Variants in MAGI2 observed in about 807,000 individuals in gnomAD.
MAGI2 encodes membrane associated guanylate kinase, WW and PDZ domain containing 2.
Under a neutral mutation model 133.3 loss-of-function variants are expected in MAGI2, and 35 were observed. The ratio of observed to expected loss-of-function variants is 0.26; its 90% CI spans 0.20 to 0.35. The LOEUF (loss-of-function observed/expected upper bound fraction) is 0.35. Among genes scored for constraint, MAGI2 ranks in the 10% least tolerant of loss-of-function variants. The pLI is 1.00. For synonymous variants in MAGI2, 729 were observed against 710.6 expected, an observed-to-expected ratio of 1.03 and a Z score of -0.41; for missense variants, 1,636 against 1,863.4, an observed-to-expected ratio of 0.88 and a Z score of 2.25.
At chr7:79,011,255 T>C (rs969398578) in intron 1 of MAGI2, among the ~76,000 whole-genome samples, 13 of 152,104 alleles carry the variant, frequency 8.5e-5, no homozygotes, top group African/African-American at 2.7e-4. Context: ...TCAGTAGAAA[T>C]TGACTGCTTT....
intron 1 of MAGI2, among the ~76,000 whole-genome samples, chr7:79,112,699 A>AT (rs57576485): frequency 1.0e-3 from 159 of 152,060 alleles, no homozygotes; most frequent in African/African-American, 3.4e-3. Flanking sequence ...CTTAAATGCC[A>AT]TTTTTTTTGT....
At chr7:79,366,156 C>T (rs993571943) in intron 1 of MAGI2, among the ~76,000 whole-genome samples, 9 of 151,626 alleles carry the variant, frequency 5.9e-5, no homozygotes, top group Admixed American at 2.0e-4. Flanking sequence ...GTGGGAGGAT[C>T]GCTTGAGCCC....
intron 2 of MAGI2, among the ~76,000 whole-genome samples, chr7:78,913,027 G>GTT (rs946086225): frequency 1.4e-4 from 22 of 151,936 alleles, no homozygotes; most frequent in Non-Finnish European, 2.4e-4. Flanking sequence ...GGGAACAGCT[G>GTT]TTTTGGAGCA....
intron 3 of MAGI2, among the ~76,000 whole-genome samples, chr7:78,581,134 A>C (rs1209660653): frequency 6.6e-6 from 1 of 152,174 alleles, no homozygotes; most frequent in Non-Finnish European, 1.5e-5. Context: ...TTAGCTTACA[A>C]CACTTGGTGA....
At chr7:78,833,573 T>C (rs1791376145) in intron 2 of MAGI2, among the ~76,000 whole-genome samples, 1 of 152,214 alleles carries the variant, frequency 6.6e-6, no homozygotes, top group Admixed American at 6.5e-5. Context: ...TTTAGTCTCC[T>C]AGCTCCCTGC....
intron 6 of MAGI2, among the ~76,000 whole-genome samples, chr7:78,384,159 C>T (rs1252055563): frequency 6.6e-6 from 1 of 151,930 alleles, no homozygotes; most frequent in African/African-American, 2.4e-5. Context: ...ATAGGGATTG[C>T]CCTGAATCTG....
chr7:78,518,503 C>G (rs1229643445), intron 4 of MAGI2: 2 of 151,990 alleles, frequency 1.3e-5, no homozygotes, highest in East Asian at 3.9e-4. Flanking sequence ...TTAGGCCACT[C>G]CTAAAGCATG....
At chr7:78,627,012 T>G in intron 3 of MAGI2, 108 bp downstream of exon 3, 1 of 1,164,226 alleles carries the variant, frequency 8.6e-7, no homozygotes, top group Non-Finnish European at 1.1e-6. Context: ...TTATTAAAGC[T>G]CTCAAACCCA....
intron 1 of MAGI2, chr7:79,414,418 G>T (rs928656223): frequency 3.9e-5 from 6 of 152,048 alleles, no homozygotes; most frequent in African/African-American, 1.4e-4. Context: ...ACAGTAACTG[G>T]TGAATTCCAT....
At chr7:78,125,634 A>T in intron 20 of MAGI2, 60 bp downstream of exon 20, 1 of 1,578,466 alleles carries the variant, frequency 6.3e-7, no homozygotes, top group Non-Finnish European at 8.7e-7. Flanking sequence ...TACTCTTCCA[A>T]TACCACAGTC....
chr7:79,412,795 GA>G (rs1230456733), intron 1 of MAGI2: 5 of 152,166 alleles, frequency 3.3e-5, no homozygotes, highest in Admixed American at 6.6e-5. Flanking sequence ...CAGTGTTTCA[GA>G]ATCTGAAATG....
intron 1 of MAGI2, among the ~76,000 whole-genome samples, chr7:79,017,239 T>C (rs1584691265): frequency 6.6e-6 from 1 of 152,268 alleles, no homozygotes. Context: ...GTGAGTTAGG[T>C]TCCTAACCTC....
intron 5 of MAGI2, among the ~76,000 whole-genome samples, chr7:78,494,917 A>G (rs1398162104): frequency 1.3e-5 from 2 of 152,202 alleles, no homozygotes; most frequent in African/African-American, 2.4e-5. Context: ...ATACTATGCC[A>G]TAAGAATAAC....
At chr7:78,787,385 T>C (rs1337093478) in intron 2 of MAGI2, among the ~76,000 whole-genome samples, 1 of 152,154 alleles carries the variant, frequency 6.6e-6, no homozygotes, top group Non-Finnish European at 1.5e-5. Context: ...AAAGATCTGC[T>C]TTGGGAGTAT....
chr7:78,019,251 G>T lies in MAGI2; in HGVS notation c.*64C>A, dbSNP rs761507138. On this transcript the variant is annotated 3_prime_UTR_variant, in exon 22 of 22. Transcript: ENST00000354212. ...GACAGTGAAAATAAATTAAAACGCC[G>T]TGAGACGGAACCTAAGAAGAACTGC... is the stretch of plus-strand genomic sequence containing the variant. 2 of 1,549,902 alleles carry T rather than the reference G, an allele frequency of 1.3e-6. No homozygotes were observed. Among genetic ancestry groups the T allele is most frequent in the Non-Finnish European group, 1.7e-6 (2 of 1,149,170 alleles).
intron 3 of MAGI2, among the ~76,000 whole-genome samples, chr7:78,552,168 T>G (rs114734541): frequency 0.015 from 2,310 of 150,488 alleles, 31 homozygotes; most frequent in African/African-American, 0.044. Context: ...AGGTAGACAT[T>G]TGTTTTCCTT....
chr7:78,381,716 A>T (rs958689483), intron 6 of MAGI2, among the ~76,000 whole-genome samples: 20 of 152,198 alleles, frequency 1.3e-4, no homozygotes, highest in Admixed American at 1.2e-3. Context: ...TACCTCCTTC[A>T]TTATAGAAGA....
chr7:79,327,127 G>A (rs1182848761), intron 1 of MAGI2, among the ~76,000 whole-genome samples: 1 of 152,118 alleles, frequency 6.6e-6, no homozygotes, highest in African/African-American at 2.4e-5. Flanking sequence ...TCTCATCTGT[G>A]TGACCTGGGG....
chr7:78,037,991 C>T (rs12668947), intron 21 of MAGI2, among the ~76,000 whole-genome samples: 17,626 of 152,228 alleles, frequency 0.12, 1,200 homozygotes, highest in South Asian at 0.18. Context: ...AGATCTTTGG[C>T]CATCAGCGTC....
Sources: allele counts gnomAD v4.1 joint callset (sites outside exome capture counted in the v4.1 genomes callset), GRCh38; gene constraint gnomAD v4.1.1; transcripts MANE v1.5; gene names NCBI Gene and HGNC (gene_info 2026-07-23, HGNC 2026-07-21).